Variants in TSHZ2 observed in about 807,000 individuals in gnomAD.
TSHZ2 encodes the protein teashirt zinc finger homeobox 2, also known as teashirt homolog 2.
In TSHZ2, 21 loss-of-function variants were observed where a neutral mutation model predicts 74.4. That is an observed-to-expected ratio of 0.28 (90% CI 0.20 to 0.41). The LOEUF (loss-of-function observed/expected upper bound fraction) is 0.41. Among genes scored for constraint, TSHZ2 ranks in the 10% least tolerant of loss-of-function variants. The pLI, the probability that TSHZ2 is intolerant of heterozygous loss-of-function variation, is 1.00. For synonymous variants in TSHZ2, 540 were observed against 515.3 expected (o/e 1.05, Z -0.65); for missense variants, 1,244 against 1,293.5 (o/e 0.96, Z 0.59).
Position 53,340,177 on chromosome 20 carries a change from C to CTTTTTTTTTTTTTTTTT in TSHZ2, c.*8+83612_*8+83613insTTTTTTTTTTTTTTTTT, listed in dbSNP as rs74177489. Among the ~76,000 whole-genome samples, 11 of 94,080 alleles carry CTTTTTTTTTTTTTTTTT rather than the reference C, an allele frequency of 1.2e-4. 2 individuals carry two copies. The highest frequency in any genetic ancestry group is 1.8e-4 in the African/African-American group (4 of 22,280). 61.7% of individuals were successfully genotyped at this position (94,080 alleles called of 152,430 possible). A position where few individuals can be genotyped will look rare whatever the true frequency, so the allele number is the denominator to read the frequency against. On this transcript the variant is annotated intron_variant, in intron 2 of 2. Transcript: ENST00000371497. ...GGATAAAACAAGGTGACTTTTCTTT[C>CTTTTTTTTTTTTTTTTT]TTTTTTCTTTTTTTTTTTTTTTTGA...
chr20:53,302,963 C>T (rs1978371989), intron 2 of TSHZ2, among the ~76,000 whole-genome samples: 1 of 152,200 alleles, frequency 6.6e-6, no homozygotes, highest in Non-Finnish European at 1.5e-5. Flanking sequence ...CACACGCTTG[C>T]CCACAAAGGT....
intron 1 of TSHZ2, among the ~76,000 whole-genome samples, chr20:53,192,963 T>C (rs1310227727): frequency 6.6e-6 from 1 of 152,158 alleles, no homozygotes; most frequent in African/African-American, 2.4e-5. Context: ...GGGAATCTTC[T>C]ATGATCTTTG....
intron 1 of TSHZ2, among the ~76,000 whole-genome samples, chr20:52,992,851 CTG>C (rs893998857): frequency 1.3e-5 from 2 of 152,204 alleles, no homozygotes; most frequent in African/African-American, 2.4e-5. Context: ...GCATCAACAT[CTG>C]TGTTTCCAAT....
At chr20:53,471,392 T>C (rs913479468) in intron 2 of TSHZ2, among the ~76,000 whole-genome samples, 8 of 152,182 alleles carry the variant, frequency 5.3e-5, no homozygotes, top group Non-Finnish European at 1.0e-4. Context: ...TGTGCTGTGC[T>C]CAAACTCTCA....
intron 2 of TSHZ2, among the ~76,000 whole-genome samples, chr20:53,331,059 G>A (rs926733829): frequency 1.3e-5 from 2 of 152,200 alleles, no homozygotes; most frequent in East Asian, 3.8e-4. Flanking sequence ...ATAATATATG[G>A]ACAGAGTTAC....
At chr20:53,269,804 AAAAG>A (rs1407550887) in intron 2 of TSHZ2, among the ~76,000 whole-genome samples, 7 of 152,084 alleles carry the variant, frequency 4.6e-5, no homozygotes, top group Middle Eastern at 6.9e-3. Flanking sequence ...TAATAAAAAA[AAAAG>A]AAAAGAAAAT....
intron 2 of TSHZ2, among the ~76,000 whole-genome samples, chr20:53,327,658 G>A (rs906457323): frequency 1.3e-5 from 2 of 152,198 alleles, no homozygotes; most frequent in South Asian, 2.1e-4. Context: ...CTTGCTATGT[G>A]ACAAGCACTG....
At chr20:53,308,023 C>T (rs1287037061) in intron 2 of TSHZ2, among the ~76,000 whole-genome samples, 4 of 152,280 alleles carry the variant, frequency 2.6e-5, no homozygotes, top group Non-Finnish European at 5.9e-5. Flanking sequence ...TAGTGCATCC[C>T]GCTGTGTTTA....
chr20:53,208,245 C>A (rs774859939), intron 1 of TSHZ2, among the ~76,000 whole-genome samples: 1 of 152,286 alleles, frequency 6.6e-6, no homozygotes, highest in African/African-American at 2.4e-5. Flanking sequence ...ACCCTAATGT[C>A]TTTTCTCTTC....
intron 1 of TSHZ2, among the ~76,000 whole-genome samples, chr20:53,249,009 C>CA (rs1568833462): frequency 6.8e-6 from 1 of 147,588 alleles, no homozygotes; most frequent in Non-Finnish European, 1.5e-5. Flanking sequence ...GGCTGATTTT[C>CA]TTTTTTTTTT....
At chr20:53,326,316 G>C (rs949076253) in intron 2 of TSHZ2, among the ~76,000 whole-genome samples, 2 of 152,224 alleles carry the variant, frequency 1.3e-5, no homozygotes, top group African/African-American at 4.8e-5. Flanking sequence ...AAGGAACTTG[G>C]AGTGCTGAGC....
intron 1 of TSHZ2, among the ~76,000 whole-genome samples, chr20:53,167,090 A>G (rs539313849): frequency 6.6e-6 from 1 of 152,354 alleles, no homozygotes; most frequent in East Asian, 1.9e-4. Flanking sequence ...AGCAGCAGGT[A>G]CAAAGGTCCT....
intron 2 of TSHZ2, among the ~76,000 whole-genome samples, chr20:53,258,146 T>C (rs958582583): frequency 1.3e-5 from 2 of 152,224 alleles, no homozygotes; most frequent in Admixed American, 6.5e-5. Flanking sequence ...ACTATCTTTT[T>C]GGTTTGCATG....
intron 2 of TSHZ2, among the ~76,000 whole-genome samples, chr20:53,401,528 C>T (rs1484769907): frequency 7.1e-6 from 1 of 141,588 alleles, no homozygotes; most frequent in Non-Finnish European, 1.5e-5. Flanking sequence ...ATGTGTGGTT[C>T]CTTACCCCTC....
intron 1 of TSHZ2, among the ~76,000 whole-genome samples, chr20:53,215,394 G>C (rs1470509476): frequency 1.3e-5 from 2 of 151,840 alleles, no homozygotes; most frequent in African/African-American, 4.8e-5. Flanking sequence ...ACAGTATCTT[G>C]TTTCTCTTTT....
At chr20:53,109,035 C>G (rs965229917) in intron 1 of TSHZ2, among the ~76,000 whole-genome samples, 2 of 152,098 alleles carry the variant, frequency 1.3e-5, no homozygotes, top group Non-Finnish European at 2.9e-5. Flanking sequence ...TCCAAATGGA[C>G]CTCTTGAATT....
At chr20:53,050,111 A>ATATATATATATACATATATATATGTG (rs1984381762) in intron 1 of TSHZ2, among the ~76,000 whole-genome samples, 1 of 97,600 alleles carries the variant, frequency 1.0e-5, no homozygotes, top group African/African-American at 7.4e-5. Context: ...GTGTATATAT[A>ATATATATATATACATATATATATGTG]TATATATATA....
At chr20:53,267,091 T>C (rs1430723432) in intron 2 of TSHZ2, among the ~76,000 whole-genome samples, 1 of 152,198 alleles carries the variant, frequency 6.6e-6, no homozygotes, top group Non-Finnish European at 1.5e-5. Context: ...ATGATGATTA[T>C]ATAACCACAC....
chr20:53,347,401 A>G (rs1369513525), intron 2 of TSHZ2, among the ~76,000 whole-genome samples: 1 of 151,928 alleles, frequency 6.6e-6, no homozygotes, highest in Non-Finnish European at 1.5e-5. Flanking sequence ...TGTGACCCCC[A>G]CATGTCTGCA....
Sources: gnomAD v4.1 joint callset for allele counts (sites outside exome capture counted in the v4.1 genomes callset) on GRCh38, gnomAD v4.1.1 for gene constraint, MANE v1.5 for transcripts, NCBI Gene and HGNC (gene_info 2026-07-23, HGNC 2026-07-21) for gene names.